MAF: variants seen among roughly 807,000 people sequenced by gnomAD.
MAF encodes transcription factor Maf.
In MAF, 10 loss-of-function variants were observed where a neutral mutation model predicts 22.0. The observed-to-expected ratio is 0.45, with a 90% CI of 0.28 to 0.77. MAF has a LOEUF of 0.77. Among genes scored for constraint, MAF ranks in the 30% least tolerant of loss-of-function variants. MAF has a pLI of 0.12. For missense variants in MAF, 544 were observed against 548.4 expected, an observed-to-expected ratio of 0.99 and a Z score of 0.08; for synonymous variants, 337 against 255.8, an observed-to-expected ratio of 1.32 and a Z score of -3.03.
chr16:79,564,964 G>C, the MAF span, among the ~76,000 whole-genome samples: 11 of 152,140 alleles, frequency 7.2e-5, no homozygotes, highest in Non-Finnish European at 1.5e-4. Flanking sequence ...GTGGTACCTC[G>C]AACCTTACAC....
At chr16:79,565,784 C>A in the MAF span, among the ~76,000 whole-genome samples, 1 of 152,170 alleles carries the variant, frequency 6.6e-6, no homozygotes, top group Non-Finnish European at 1.5e-5. Context: ...TAAGAATGGA[C>A]TGATAAACTT....
At chr16:79,435,043 G>A in the MAF span, among the ~76,000 whole-genome samples, 2 of 152,164 alleles carry the variant, frequency 1.3e-5, no homozygotes, top group East Asian at 1.9e-4. Flanking sequence ...GTGGAGAAGC[G>A]AAGTGAGTTG....
chr16:79,548,624 C>A, the MAF span, among the ~76,000 whole-genome samples: 3 of 152,118 alleles, frequency 2.0e-5, no homozygotes, highest in South Asian at 2.1e-4. Context: ...TTTCTGAAAA[C>A]CCTTGTTTTA....
the MAF span, among the ~76,000 whole-genome samples, chr16:79,531,053 C>T: frequency 1.3e-5 from 2 of 152,190 alleles, no homozygotes; most frequent in Non-Finnish European, 2.9e-5. Flanking sequence ...TCCTAAATAT[C>T]CGGCCTTATC....
the MAF span, among the ~76,000 whole-genome samples, chr16:79,570,247 C>T: frequency 4.6e-5 from 7 of 152,092 alleles, no homozygotes; most frequent in East Asian, 7.7e-4. Flanking sequence ...CTTCTGGGCT[C>T]TGCCTAATCT....
chr16:79,273,979 C>T, the MAF span, among the ~76,000 whole-genome samples: 1 of 100,368 alleles, frequency 1.0e-5, no homozygotes, highest in South Asian at 3.5e-4. Context: ...TTTTTTGAGA[C>T]AGTCTTGCTC....
the MAF span, among the ~76,000 whole-genome samples, chr16:79,242,602 G>T: frequency 6.6e-6 from 1 of 151,926 alleles, no homozygotes; most frequent in South Asian, 2.1e-4. Context: ...CACACTAATA[G>T]TGGGAGACTT....
At chr16:79,290,504 G>C in the MAF span, among the ~76,000 whole-genome samples, 2 of 152,138 alleles carry the variant, frequency 1.3e-5, no homozygotes, top group Non-Finnish European at 2.9e-5. Flanking sequence ...ACGGGGAACT[G>C]AGTTTTAATC....
chr16:79,313,907 G>C, the MAF span, among the ~76,000 whole-genome samples: 1 of 152,170 alleles, frequency 6.6e-6, no homozygotes, highest in African/African-American at 2.4e-5. Context: ...CTGTTCATAA[G>C]AAAATGAAGT....
the MAF span, among the ~76,000 whole-genome samples, chr16:79,526,368 G>A: frequency 6.6e-6 from 1 of 152,186 alleles, no homozygotes. Context: ...AGAATCTGAT[G>A]CTGCTGCTGA....
At chr16:79,333,169 C>G in the MAF span, among the ~76,000 whole-genome samples, 1 of 152,158 alleles carries the variant, frequency 6.6e-6, no homozygotes, top group East Asian at 1.9e-4. Context: ...GCGGTCCTGG[C>G]TCTGGACTGC....
At chr16:79,407,308 G>C in the MAF span, among the ~76,000 whole-genome samples, 3 of 152,138 alleles carry the variant, frequency 2.0e-5, no homozygotes, top group African/African-American at 2.4e-5. Context: ...AAGCACGCAG[G>C]CCCTACGAAA....
At chr16:79,346,860 A>G in the MAF span, among the ~76,000 whole-genome samples, 1 of 152,236 alleles carries the variant, frequency 6.6e-6, no homozygotes, top group African/African-American at 2.4e-5. Context: ...GGAAGGGAGA[A>G]TTGGCAGATG....
chr16:79,596,721 T>C, intron 1 of MAF: 1 of 1,042,264 alleles, frequency 9.6e-7, no homozygotes, highest in South Asian at 4.6e-5. Context: ...GAAAATAACA[T>C]TTACTGATTA....
the MAF span, among the ~76,000 whole-genome samples, chr16:79,413,832 G>C: frequency 6.6e-6 from 1 of 152,196 alleles, no homozygotes; most frequent in Non-Finnish European, 1.5e-5. Flanking sequence ...GTGGGGTAAA[G>C]CACATTATGA....
At chr16:79,499,994 CA>C in the MAF span, among the ~76,000 whole-genome samples, 11 of 152,100 alleles carry the variant, frequency 7.2e-5, no homozygotes, top group Non-Finnish European at 1.2e-4. Context: ...AGGGCAGACA[CA>C]TAGAGAGGTT....
chr16:79,502,710 T>TATAAATATATATATATAAATATAA, the MAF span, among the ~76,000 whole-genome samples: 1 of 16,596 alleles, frequency 6.0e-5, no homozygotes, highest in African/African-American at 1.9e-4. Context: ...TAAATATAAA[T>TATAAATATATATATATAAATATAA]ATATATATAT....
At chr16:79,495,953 A>T in the MAF span, among the ~76,000 whole-genome samples, 15 of 152,214 alleles carry the variant, frequency 9.9e-5, no homozygotes, top group Admixed American at 8.5e-4. Context: ...TAATTAAAAT[A>T]AATGGCTTGA....
the MAF span, among the ~76,000 whole-genome samples, chr16:79,449,085 A>G: frequency 1.3e-5 from 2 of 152,202 alleles, no homozygotes; most frequent in African/African-American, 2.4e-5. Flanking sequence ...ATCAGGCATT[A>G]GATCCTCATA....
Sources: allele counts gnomAD v4.1 joint callset (sites outside exome capture counted in the v4.1 genomes callset), GRCh38; gene constraint gnomAD v4.1.1; transcripts MANE v1.5; gene names NCBI Gene and HGNC (gene_info 2026-07-23, HGNC 2026-07-21).